VEPH1: variants seen among roughly 807,000 people sequenced by gnomAD.
The protein encoded by VEPH1 is ventricular zone-expressed PH domain-containing protein homolog 1.
A neutral mutation model predicts 85.2 loss-of-function variants in VEPH1; 80 were observed. That is an observed-to-expected ratio of 0.94 (90% CI 0.78 to 1.13). VEPH1 has a LOEUF of 1.13. Ranked by LOEUF, VEPH1 falls within the 50% of genes most tolerant of loss-of-function variation. VEPH1 has a pLI of 0.00. For missense variants in VEPH1, 955 were observed against 980.5 expected, an observed-to-expected ratio of 0.97 and a Z score of 0.35; for synonymous variants, 297 against 348.0, an observed-to-expected ratio of 0.85 and a Z score of 1.63.
At chr3:157,383,028 G>C (rs931431971) in intron 6 of VEPH1, among the ~76,000 whole-genome samples, 2 of 151,892 alleles carry the variant, frequency 1.3e-5, no homozygotes, top group Non-Finnish European at 2.9e-5. Context: ...TGTAGAGACA[G>C]GGTCTCACCG....
intron 3 of VEPH1, among the ~76,000 whole-genome samples, chr3:157,468,957 C>T (rs893511775): frequency 1.3e-5 from 2 of 152,068 alleles, no homozygotes; most frequent in African/African-American, 2.4e-5. Context: ...GATTTCTATT[C>T]GATAGTGCTG....
chr3:157,423,560 T>C (rs1391308617), intron 5 of VEPH1, among the ~76,000 whole-genome samples: 1 of 152,234 alleles, frequency 6.6e-6, no homozygotes, highest in African/African-American at 2.4e-5. Context: ...TGCATAAAAG[T>C]ATGCATTCTT....
chr3:157,455,386 A>C (rs1389790491), intron 4 of VEPH1, among the ~76,000 whole-genome samples: 1 of 150,330 alleles, frequency 6.7e-6, no homozygotes, highest in Admixed American at 6.6e-5. Flanking sequence ...GACTGCTTTC[A>C]TGTCTTCTTT....
chr3:157,271,070 A>C (rs1398427291), intron 12 of VEPH1, among the ~76,000 whole-genome samples: 1 of 152,196 alleles, frequency 6.6e-6, no homozygotes, highest in African/African-American at 2.4e-5. Flanking sequence ...CGGAAGAATC[A>C]GCAAACTCAG....
At chr3:157,422,233 T>C (rs1460992646) in intron 5 of VEPH1, among the ~76,000 whole-genome samples, 1 of 152,174 alleles carries the variant, frequency 6.6e-6, no homozygotes, top group East Asian at 1.9e-4. Context: ...GAAGGTAGTA[T>C]GACTCTGATG....
intron 5 of VEPH1, among the ~76,000 whole-genome samples, chr3:157,423,785 G>T (rs1732532534): frequency 2.0e-5 from 3 of 152,226 alleles, no homozygotes. Flanking sequence ...GAGGAAAGAA[G>T]AAATCATTTC....
intron 4 of VEPH1, among the ~76,000 whole-genome samples, chr3:157,452,806 T>G (rs1735081916): frequency 6.6e-6 from 1 of 152,228 alleles, no homozygotes; most frequent in Admixed American, 6.5e-5. Context: ...AGCTTCAGCT[T>G]GCTCACTTAC....
At chr3:157,462,629 C>G (rs762350892) in intron 3 of VEPH1, among the ~76,000 whole-genome samples, 9 of 152,188 alleles carry the variant, frequency 5.9e-5, no homozygotes, top group Non-Finnish European at 1.0e-4. Flanking sequence ...GCATTCATAT[C>G]TTGATATCCA....
At chr3:157,378,046 C>T (rs1728324493) in intron 7 of VEPH1, among the ~76,000 whole-genome samples, 1 of 151,956 alleles carries the variant, frequency 6.6e-6, no homozygotes, top group South Asian at 2.1e-4. Flanking sequence ...TCACTCATGG[C>T]ACATGTTAGC....
chr3:157,362,361 T>G (rs1038401639), intron 9 of VEPH1, among the ~76,000 whole-genome samples: 3 of 152,170 alleles, frequency 2.0e-5, no homozygotes, highest in African/African-American at 7.2e-5. Flanking sequence ...CCACCCTAAT[T>G]TGTGTGCCTG....
chr3:157,304,021 T>TATATATATATATATATATA (rs1559939923), intron 11 of VEPH1, among the ~76,000 whole-genome samples: 6 of 84,006 alleles, frequency 7.1e-5, no homozygotes, highest in South Asian at 4.3e-4. Context: ...ATCTTATATT[T>TATATATATATATATATATA]TTTATATATA....
At chr3:157,316,998 A>C (rs759182798) in intron 10 of VEPH1, 64 bp downstream of exon 10, 5 of 1,499,262 alleles carry the variant, frequency 3.3e-6, no homozygotes, top group Non-Finnish European at 4.5e-6. Context: ...ATTCAATAAA[A>C]ATGATTATAA....
intron 2 of VEPH1, among the ~76,000 whole-genome samples, chr3:157,489,716 T>C (rs2109705207): frequency 6.6e-6 from 1 of 152,116 alleles, no homozygotes; most frequent in African/African-American, 2.4e-5. Flanking sequence ...AGAGGGCTTT[T>C]TTTTTTTGTC....
rs777242155 is a variant in VEPH1 at position 157,363,731 on chromosome 3, G to A, written c.1368C>T (p.Leu456=). 6.8e-6 allele frequency: 11 copies of A among 1,613,966 alleles called. No individual in the cohort carries two copies. Among genetic ancestry groups the A allele is most frequent in the Non-Finnish European group, 9.3e-6 (11 of 1,179,910 alleles). Residue 456 remains leucine (L), a synonymous_variant, in exon 9 of 14, where the codon CTC becomes CTT. Transcript: ENST00000362010. The part of the protein sequence containing the change: ...RSKSLAFHTM[L]TKGVGSDDGE... ...CGTCATCTGAACCCACACCCTTTGT[G>A]AGCATAGTGTGGAAAGCCAAACTTT...
At chr3:157,434,093 G>C (rs1337428260) in intron 4 of VEPH1, among the ~76,000 whole-genome samples, 1 of 151,620 alleles carries the variant, frequency 6.6e-6, no homozygotes, top group Non-Finnish European at 1.5e-5. Context: ...TCCTGTTAAA[G>C]TATTTCTTTG....
intron 7 of VEPH1, 132 bp downstream of exon 7, chr3:157,381,024 T>C (rs1728698296): frequency 2.3e-6 from 2 of 873,496 alleles, no homozygotes; most frequent in Non-Finnish European, 3.6e-6. Flanking sequence ...AGTGCCATAA[T>C]TTATACAGAT....
chr3:157,379,815 C>A (rs966000413), intron 7 of VEPH1, among the ~76,000 whole-genome samples: 5 of 152,168 alleles, frequency 3.3e-5, no homozygotes, highest in African/African-American at 1.2e-4. Flanking sequence ...TCGAGTCCAT[C>A]CTCTGTCATT....
intron 6 of VEPH1, among the ~76,000 whole-genome samples, chr3:157,405,986 A>G (rs1731110571): frequency 6.6e-6 from 1 of 152,178 alleles, no homozygotes; most frequent in South Asian, 2.1e-4. Context: ...TCTTATTTGA[A>G]AGTATATTTT....
At chr3:157,488,893 C>T (rs1738929710) in intron 2 of VEPH1, among the ~76,000 whole-genome samples, 1 of 147,228 alleles carries the variant, frequency 6.8e-6, no homozygotes, top group Non-Finnish European at 1.5e-5. Flanking sequence ...TTTTTCAGGC[C>T]AAAAATCTTA....
Sources: gnomAD v4.1 joint callset for allele counts (sites outside exome capture counted in the v4.1 genomes callset) on GRCh38, gnomAD v4.1.1 for gene constraint, MANE v1.5 for transcripts, NCBI Gene and HGNC (gene_info 2026-07-23, HGNC 2026-07-21) for gene names.